The following FAM204A variants were observed in gnomAD, a reference collection of about 807,000 sequenced individuals.
The protein encoded by FAM204A is protein FAM204A.
In FAM204A, 16 loss-of-function variants were observed where a neutral mutation model predicts 35.4. The ratio of observed to expected loss-of-function variants is 0.45; its 90% CI spans 0.31 to 0.69. FAM204A has a LOEUF of 0.69. Ranked by LOEUF, FAM204A falls within the 30% of genes least tolerant of loss-of-function variation. The pLI, the probability that FAM204A is intolerant of heterozygous loss-of-function variation, is 0.07. For missense variants in FAM204A, 240 were observed against 265.7 expected, an observed-to-expected ratio of 0.90 and a Z score of 0.67; for synonymous variants, 76 against 86.9, an observed-to-expected ratio of 0.88 and a Z score of 0.70.
At chr10:118,321,326 C>A (rs1846112322) in intron 7 of FAM204A, among the ~76,000 whole-genome samples, 1 of 152,014 alleles carries the variant, frequency 6.6e-6, no homozygotes, top group Admixed American at 6.6e-5. Context: ...CCAAACTATT[C>A]ATTCAAAAAT....
chr10:118,332,467 C>T (rs1008064251), intron 6 of FAM204A, among the ~76,000 whole-genome samples: 2 of 151,860 alleles, frequency 1.3e-5, no homozygotes, highest in Admixed American at 1.3e-4. Flanking sequence ...TCTCACCACA[C>T]CCCTAAACCT....
chr10:118,318,369 C>T (rs1846062274), intron 7 of FAM204A, among the ~76,000 whole-genome samples: 1 of 151,976 alleles, frequency 6.6e-6, no homozygotes, highest in African/African-American at 2.4e-5. Flanking sequence ...ATTCGTCATA[C>T]ACATCCCTGA....
chr10:118,311,939 G>GC (rs990852844), intron 7 of FAM204A, among the ~76,000 whole-genome samples: 8 of 152,094 alleles, frequency 5.3e-5, no homozygotes, highest in African/African-American at 1.2e-4. Context: ...CTCTATGTGT[G>GC]CCCCCCTTAC....
chr10:118,316,795 A>G (rs994181510), intron 7 of FAM204A, among the ~76,000 whole-genome samples: 1 of 152,096 alleles, frequency 6.6e-6, no homozygotes, highest in Non-Finnish European at 1.5e-5. Flanking sequence ...TCATAGTGAA[A>G]TCATTTACAT....
chr10:118,314,319 G>C (rs907453539), intron 7 of FAM204A, among the ~76,000 whole-genome samples: 2 of 152,026 alleles, frequency 1.3e-5, no homozygotes, highest in African/African-American at 4.8e-5. Context: ...AAGCAAACCT[G>C]GTCTATGTAT....
rs182592214 is a variant in FAM204A at position 118,332,418 on chromosome 10, G to A, written c.453+2696C>T. On this transcript the variant is annotated intron_variant, in intron 6 of 8. Transcript: ENST00000369183. Reference sequence around the variant, plus strand: ...GGCAATGGTTTACAACTGATACCAGGGGATCTTCATGGTACCACTACAACA... The same window carrying A: ...GGCAATGGTTTACAACTGATACCAGAGGATCTTCATGGTACCACTACAACA... Among the ~76,000 whole-genome samples, 24 of 151,534 alleles carry A rather than the reference G, an allele frequency of 1.6e-4. No individual in the cohort carries two copies. The East Asian group carries it at 4.5e-3, about 28-fold the overall frequency.
At chr10:118,318,057 CTT>C (rs1213203088) in intron 7 of FAM204A, among the ~76,000 whole-genome samples, 1 of 151,984 alleles carries the variant, frequency 6.6e-6, no homozygotes, top group Non-Finnish European at 1.5e-5. Context: ...GTCCTATATT[CTT>C]TCTCATTGCT....
At chr10:118,330,342 T>C (rs1011915503) in intron 6 of FAM204A, among the ~76,000 whole-genome samples, 12 of 152,184 alleles carry the variant, frequency 7.9e-5, no homozygotes, top group African/African-American at 2.9e-4. Flanking sequence ...CAACCATTCA[T>C]CTCAACAACC....
In FAM204A at chr10:118,315,354, G is replaced by T. The variant is rs1846014497; in HGVS notation, c.544-4041C>A. On this transcript the variant is annotated intron_variant, in intron 7 of 8. Coordinates refer to ENST00000369183, the MANE Select transcript of FAM204A (RefSeq NM_022063.3). ...TATCTGATTCAAACCGCTTAATCTAGCATAACTGTAAATTTCTTATCCGTT... is the reference window on the plus strand; with the variant it reads ...TATCTGATTCAAACCGCTTAATCTATCATAACTGTAAATTTCTTATCCGTT... Among the ~76,000 whole-genome samples, 6 of 152,226 alleles carry T rather than the reference G, an allele frequency of 3.9e-5. No individual in the cohort carries two copies. The South Asian group carries it at 1.2e-3, about 32-fold the overall frequency.
intron 7 of FAM204A, 181 bp from the exon 8 acceptor site, chr10:118,311,494 A>T (rs1447513604): frequency 1.8e-6 from 1 of 556,810 alleles, no homozygotes; most frequent in Non-Finnish European, 3.1e-6. Context: ...ATCTCCCGTG[A>T]CTCCCAATAG....
At chr10:118,341,076 T>C (rs1034755214) in intron 2 of FAM204A, among the ~76,000 whole-genome samples, 16 of 152,228 alleles carry the variant, frequency 1.1e-4, no homozygotes, top group African/African-American at 3.4e-4. Context: ...CTATACTAAG[T>C]TGCATACATC....
rs1367536635 is a variant in FAM204A at position 118,299,040 on chromosome 10, CT to C, written c.*11816del. The C allele has an allele frequency of 2.0e-5, 3 of 152,344 alleles. No individual in the cohort carries two copies. Among genetic ancestry groups the C allele is most frequent in the African/African-American group, 7.2e-5 (3 of 41,572 alleles). 9.4% of individuals were successfully genotyped at this position (152,344 alleles called of 1,614,324 possible). On this transcript the variant is annotated 3_prime_UTR_variant, in exon 9 of 9. Coordinates refer to ENST00000369183, the MANE Select transcript of FAM204A (RefSeq NM_022063.3). ...GCGGCTGTAATCCTTCTCTGGCCCC[CT>C]GGACAGTGTACGTGTGAGTGACGGT...
chr10:118,335,553 C>T lies in FAM204A; in HGVS notation c.322+1G>A. Reference sequence around the variant, plus strand: ...GAACAACCTGAGTTAAAACAAAACACCTTTTCTGGAGCGTTTTCTTCTTTT... The same window carrying T: ...GAACAACCTGAGTTAAAACAAAACATCTTTTCTGGAGCGTTTTCTTCTTTT... On this transcript the variant is annotated splice_donor_variant, in intron 4 of 8. Transcript: ENST00000369183. LOFTEE classifies it high-confidence loss of function. 6.2e-7 allele frequency: 1 copy of T among 1,610,840 alleles called. No individual in the cohort carries two copies. The highest frequency in any genetic ancestry group is 2.2e-5 in the East Asian group (1 of 44,756).
At chr10:118,316,364 G>A (rs1358828536) in intron 7 of FAM204A, among the ~76,000 whole-genome samples, 1 of 152,062 alleles carries the variant, frequency 6.6e-6, no homozygotes, top group African/African-American at 2.4e-5. Context: ...GTAAATTCAA[G>A]ACATCTACAT....
Position 118,307,849 on chromosome 10 carries a change from C to T in FAM204A, c.*3008G>A, listed in dbSNP as rs565117782. ...GATAACATTTTATTCCTATCCTTAG[C>T]CTGCTGCTCCCTTATCTGTCATCCT... On this transcript the variant is annotated 3_prime_UTR_variant, in exon 9 of 9. Coordinates refer to ENST00000369183, the MANE Select transcript of FAM204A (RefSeq NM_022063.3). The T allele has an allele frequency of 6.6e-6, 1 of 152,258 alleles. No individual in the cohort carries two copies. The highest frequency in any genetic ancestry group is 2.4e-5 in the African/African-American group (1 of 41,542). 9.4% of individuals were successfully genotyped at this position (152,258 alleles called of 1,614,324 possible). A position where few individuals can be genotyped will look rare whatever the true frequency, so the allele number is the denominator to read the frequency against.
At chr10:118,324,592 A>G (rs1023312409) in intron 7 of FAM204A, among the ~76,000 whole-genome samples, 1 of 152,184 alleles carries the variant, frequency 6.6e-6, no homozygotes, top group African/African-American at 2.4e-5. Context: ...GCCAGATGCA[A>G]ATGGACAAAT....
chr10:118,310,945 T>TAAA, intron 8 of FAM204A, 37 bp from the exon 9 acceptor site: 1 of 1,168,798 alleles, frequency 8.6e-7, no homozygotes, highest in Admixed American at 2.7e-5. Context: ...ATTTATTTCT[T>TAAA]AAAAAAAAAA....
chr10:118,337,984 A>G (rs914748294), intron 2 of FAM204A, among the ~76,000 whole-genome samples: 24 of 152,274 alleles, frequency 1.6e-4, no homozygotes, highest in African/African-American at 5.3e-4. Context: ...CTTGATAGTC[A>G]CAATCTGATG....
At chr10:118,328,616 C>A (rs968102105) in intron 6 of FAM204A, among the ~76,000 whole-genome samples, 1 of 152,068 alleles carries the variant, frequency 6.6e-6, no homozygotes, top group Non-Finnish European at 1.5e-5. Context: ...CCTCAGCCTC[C>A]CAAGTAGCTG....
Sources: gnomAD v4.1 joint callset for allele counts (sites outside exome capture counted in the v4.1 genomes callset) on GRCh38, gnomAD v4.1.1 for gene constraint, MANE v1.5 for transcripts, NCBI Gene and HGNC (gene_info 2026-07-23, HGNC 2026-07-21) for gene names.